RFX4: variants seen among roughly 807,000 people sequenced by gnomAD.
RFX4 encodes regulatory factor X4, also known as transcription factor RFX4.
A neutral mutation model predicts 95.0 loss-of-function variants in RFX4; 10 were observed. That is an observed-to-expected ratio of 0.11 (90% CI 0.06 to 0.18). RFX4 has a LOEUF of 0.18. Among genes scored for constraint, RFX4 ranks in the 10% least tolerant of loss-of-function variants. The pLI, the probability that RFX4 is intolerant of heterozygous loss-of-function variation, is 1.00. For missense variants in RFX4, 640 were observed against 922.0 expected (o/e 0.69, Z 3.96); for synonymous variants, 321 against 340.7 (o/e 0.94, Z 0.64).
chr12:106,681,057 GC>G (rs962784915), intron 4 of RFX4: 3 of 152,194 alleles, frequency 2.0e-5, no homozygotes, highest in Non-Finnish European at 4.4e-5. Context: ...AAGGAAAGGG[GC>G]CTCATGGTTA....
At position 106,639,411 on chromosome 12, in the gene RFX4, C is replaced by A. The variant is rs369162610; in HGVS notation, c.191+19C>A. 6.2e-7 allele frequency: 1 copy of A among 1,610,876 alleles called. No individual in the cohort carries two copies. The highest frequency in any genetic ancestry group is 8.5e-7 in the Non-Finnish European group (1 of 1,177,430). On this transcript the variant is annotated intron_variant, in intron 3 of 17. Coordinates refer to ENST00000392842, the MANE Select transcript of RFX4 (RefSeq NM_213594.3). ...TGCAATGGTAAGTTTCCATTTTTAG[C>A]AAGTTCTGTCTTCAGAGGATGCTCA...
At chr12:106,610,429 A>G (rs2039937921) in intron 2 of RFX4, among the ~76,000 whole-genome samples, 2 of 152,162 alleles carry the variant, frequency 1.3e-5, no homozygotes, top group Admixed American at 1.3e-4. Flanking sequence ...TCATCTTCCT[A>G]AACTGAAACT....
At chr12:106,696,071 G>A (rs2041872382) in intron 7 of RFX4, among the ~76,000 whole-genome samples, 1 of 152,238 alleles carries the variant, frequency 6.6e-6, no homozygotes, top group African/African-American at 2.4e-5. Context: ...TTCCCCAGCA[G>A]TGTGCATGTT....
At chr12:106,758,979 T>C (rs936451045) in intron 17 of RFX4, among the ~76,000 whole-genome samples, 1 of 152,198 alleles carries the variant, frequency 6.6e-6, no homozygotes, top group African/African-American at 2.4e-5. Flanking sequence ...AACTATTATT[T>C]AGCACCTGCT....
chr12:106,663,739 C>G (rs1370594951), intron 4 of RFX4, among the ~76,000 whole-genome samples: 4 of 150,776 alleles, frequency 2.7e-5, no homozygotes, highest in African/African-American at 7.3e-5. Context: ...ACCCTTTATT[C>G]CTAGTTTGCA....
At chr12:106,587,748 G>A (rs2039482180) in intron 1 of RFX4, among the ~76,000 whole-genome samples, 1 of 152,154 alleles carries the variant, frequency 6.6e-6, no homozygotes, top group Non-Finnish European at 1.5e-5. Context: ...CCCGTGGGTC[G>A]CCCAGGGTGA....
intron 13 of RFX4, among the ~76,000 whole-genome samples, chr12:106,726,995 C>T (rs753886218): frequency 6.6e-6 from 1 of 152,068 alleles, no homozygotes; most frequent in Non-Finnish European, 1.5e-5. Flanking sequence ...TGGTCAGGAA[C>T]TCCTGACCTC....
chr12:106,680,975 C>G (rs1592931173), intron 4 of RFX4: 1 of 152,190 alleles, frequency 6.6e-6, no homozygotes, highest in Non-Finnish European at 1.5e-5. Context: ...TTCAGGTAGT[C>G]GAGTTCCAGA....
chr12:106,760,444 C>T (rs2043189327), intron 17 of RFX4, among the ~76,000 whole-genome samples: 1 of 152,178 alleles, frequency 6.6e-6, no homozygotes. Flanking sequence ...CTTGTAGCTA[C>T]TAACACCTGT....
At chr12:106,597,518 A>T (rs1476712731) in intron 1 of RFX4, among the ~76,000 whole-genome samples, 1 of 152,228 alleles carries the variant, frequency 6.6e-6, no homozygotes, top group African/African-American at 2.4e-5. Context: ...GATGTGCCTT[A>T]TTAACTCAAT....
chr12:106,588,221 G>C (rs1344372893), intron 1 of RFX4, among the ~76,000 whole-genome samples: 1 of 152,134 alleles, frequency 6.6e-6, no homozygotes, highest in Non-Finnish European at 1.5e-5. Context: ...CAATAACCAT[G>C]AACAACTCTT....
At chr12:106,719,139 A>T (rs1001150042) in intron 11 of RFX4, among the ~76,000 whole-genome samples, 3 of 151,954 alleles carry the variant, frequency 2.0e-5, no homozygotes, top group Admixed American at 6.6e-5. Flanking sequence ...AAAAACAAAA[A>T]ACAAAAAAAA....
chr12:106,626,924 A>G (rs985829166), intron 2 of RFX4, among the ~76,000 whole-genome samples: 1 of 152,104 alleles, frequency 6.6e-6, no homozygotes, highest in African/African-American at 2.4e-5. Context: ...AATTCCCTCC[A>G]CGAGGTATCA....
At chr12:106,637,996 C>T (rs1021525736) in intron 2 of RFX4, among the ~76,000 whole-genome samples, 2 of 151,616 alleles carry the variant, frequency 1.3e-5, no homozygotes, top group African/African-American at 2.4e-5. Context: ...ATATTATATT[C>T]GATTATTACT....
rs79540126 is a variant in RFX4, at chr12:106,611,529, C to A, written c.130+2646C>A. On this transcript the variant is annotated intron_variant, in intron 2 of 17. Transcript: ENST00000392842. ...CCAGCTTTATTCTTTTTTTTTTTTT[C>A]AGACAGAGTCTCACTCTGTTGCCCA... 5.6e-4 allele frequency among the ~76,000 whole-genome samples: 71 copies of A among 127,554 alleles called. 2 individuals are homozygous for A. In the South Asian group the frequency reaches 0.018, roughly 32 times the overall value. 83.7% of individuals were successfully genotyped at this position (127,554 alleles called of 152,430 possible). A position where few individuals can be genotyped will look rare whatever the true frequency, so the allele number is the denominator to read the frequency against.
At chr12:106,752,893 G>A (rs1340999869) in intron 17 of RFX4, among the ~76,000 whole-genome samples, 4 of 151,994 alleles carry the variant, frequency 2.6e-5, no homozygotes, top group South Asian at 4.2e-4. Flanking sequence ...GCTCTGATCC[G>A]ACTGGTGGCC....
intron 7 of RFX4, among the ~76,000 whole-genome samples, chr12:106,692,052 G>A (rs770526120): frequency 6.6e-6 from 1 of 151,876 alleles, no homozygotes; most frequent in Non-Finnish European, 1.5e-5. Context: ...AGCTACTCAG[G>A]AGGCCGAGGC....
chr12:106,643,350 C>G (rs2040675110), intron 3 of RFX4, among the ~76,000 whole-genome samples: 2 of 152,016 alleles, frequency 1.3e-5, no homozygotes, highest in Admixed American at 6.6e-5. Flanking sequence ...GAGCATAGCA[C>G]ACATGGAGGA....
intron 2 of RFX4, among the ~76,000 whole-genome samples, chr12:106,614,643 G>A (rs960071243): frequency 2.7e-4 from 41 of 152,022 alleles, no homozygotes; most frequent in African/African-American, 9.6e-4. Context: ...TGAGTAGCTG[G>A]GACTACAGGC....
Sources: gnomAD v4.1 joint callset for allele counts (sites outside exome capture counted in the v4.1 genomes callset) on GRCh38, gnomAD v4.1.1 for gene constraint, MANE v1.5 for transcripts, NCBI Gene and HGNC (gene_info 2026-07-23, HGNC 2026-07-21) for gene names.